The following ATP9B variants were observed in gnomAD, a reference collection of about 807,000 sequenced individuals.
ATP9B encodes the protein probable phospholipid-transporting ATPase IIB.
A neutral mutation model predicts 146.1 loss-of-function variants in ATP9B; 110 were observed. The ratio of observed to expected loss-of-function variants is 0.75; its 90% confidence interval spans 0.65 to 0.88. The LOEUF is 0.88. Ranked by LOEUF, ATP9B falls within the 40% of genes least tolerant of loss-of-function variation. The pLI is 0.00. For missense variants in ATP9B, 1,499 were observed against 1,496.4 expected, an observed-to-expected ratio of 1.00 and a Z score of -0.03; for synonymous variants, 604 against 569.7, an observed-to-expected ratio of 1.06 and a Z score of -0.86.
At chr18:79,246,826 C>A (rs538582460) in intron 11 of ATP9B, among the ~76,000 whole-genome samples, 5 of 152,298 alleles carry the variant, frequency 3.3e-5, no homozygotes, top group African/African-American at 9.6e-5. Flanking sequence ...CAGCGGTGAT[C>A]GGCAGTGTAG....
chr18:79,320,461 C>T (rs909796941), intron 15 of ATP9B, among the ~76,000 whole-genome samples: 2 of 152,206 alleles, frequency 1.3e-5, no homozygotes, highest in South Asian at 4.1e-4. Flanking sequence ...ACTCCACACA[C>T]ACCAGGGGCA....
intron 12 of ATP9B, among the ~76,000 whole-genome samples, chr18:79,257,097 T>C (rs1599343577): frequency 6.6e-6 from 1 of 152,084 alleles, no homozygotes; most frequent in East Asian, 1.9e-4. Flanking sequence ...GTCAGGAGTT[T>C]GGGACTAGCC....
At chr18:79,328,870 A>G (rs2096775278) in intron 15 of ATP9B, among the ~76,000 whole-genome samples, 1 of 152,234 alleles carries the variant, frequency 6.6e-6, no homozygotes, top group African/African-American at 2.4e-5. Flanking sequence ...GGGAGCAATT[A>G]ACACAAATTG....
rs1600419097 is a variant in ATP9B, at chr18:79,365,752, A to C, written c.3012+6290A>C. On this transcript the variant is annotated intron_variant, in intron 26 of 29. Coordinates refer to ENST00000426216, the MANE Select transcript of ATP9B (RefSeq NM_198531.5). ...GACAGCCCATGCGTGATGGAAGGAC[A>C]TCTCCGTGGACAGGGACAGTCCATG... Among the ~76,000 whole-genome samples the C allele has an allele frequency of 2.6e-5, 4 of 151,230 alleles. No homozygotes were observed. In the South Asian group the frequency reaches 8.5e-4, roughly 32 times the overall value.
At chr18:79,269,331 C>G (rs2096234130) in intron 12 of ATP9B, among the ~76,000 whole-genome samples, 1 of 152,160 alleles carries the variant, frequency 6.6e-6, no homozygotes, top group Non-Finnish European at 1.5e-5. Context: ...TCCTCACTGA[C>G]CTGTCCAACA....
At chr18:79,205,503 A>G (rs2095525800) in intron 9 of ATP9B, among the ~76,000 whole-genome samples, 2 of 150,868 alleles carry the variant, frequency 1.3e-5, no homozygotes, top group Non-Finnish European at 3.0e-5. Context: ...CTTAAGGTAT[A>G]TCCTGATAGC....
At chr18:79,080,454 A>G (rs2073126180) in intron 1 of ATP9B, among the ~76,000 whole-genome samples, 1 of 152,198 alleles carries the variant, frequency 6.6e-6, no homozygotes, top group Non-Finnish European at 1.5e-5. Context: ...ATTGGTGTAT[A>G]GGAATGCCTG....
intron 8 of ATP9B, 111 bp from the exon 9 acceptor site, chr18:79,193,072 G>T (rs2095383744): frequency 1.3e-6 from 1 of 775,058 alleles, no homozygotes; most frequent in East Asian, 2.9e-5. Flanking sequence ...GAAAATCAAT[G>T]ATTGCTTTTG....
intron 8 of ATP9B, among the ~76,000 whole-genome samples, chr18:79,181,392 C>A (rs577537955): frequency 1.1e-4 from 16 of 152,120 alleles, no homozygotes; most frequent in Non-Finnish European, 2.2e-4. Flanking sequence ...TATCCAGTTT[C>A]AAGATTTTCA....
At chr18:79,154,234 T>TA (rs2094737914) in intron 6 of ATP9B, among the ~76,000 whole-genome samples, 1 of 152,086 alleles carries the variant, frequency 6.6e-6, no homozygotes, top group Non-Finnish European at 1.5e-5. Context: ...GTGCTGGAAT[T>TA]ACAGGCGTGA....
intron 25 of ATP9B, chr18:79,353,742 G>C (rs1285481227): frequency 6.6e-6 from 1 of 152,226 alleles, no homozygotes; most frequent in Non-Finnish European, 1.5e-5. Flanking sequence ...CATGACACTT[G>C]TCAAAATTCA....
chr18:79,090,880 C>A lies in ATP9B; in HGVS notation c.120-5596C>A, dbSNP rs2074265406. 2.0e-5 allele frequency among the ~76,000 whole-genome samples: 3 copies of A among 151,952 alleles called. No homozygotes were observed. In the South Asian group the frequency reaches 6.2e-4, roughly 31 times the overall value. On this transcript the variant is annotated intron_variant, in intron 1 of 29. Transcript: ENST00000426216. ...CCAGACCATTGTCCTGGAGATTTCC[C>A]CCAATATTTTCTTGTAATAGTTTCA...
chr18:79,200,008 A>C (rs1046205927), intron 9 of ATP9B, among the ~76,000 whole-genome samples: 1 of 152,202 alleles, frequency 6.6e-6, no homozygotes, highest in Non-Finnish European at 1.5e-5. Context: ...GTACACTCTC[A>C]AACAGTGATA....
intron 1 of ATP9B, among the ~76,000 whole-genome samples, chr18:79,083,999 C>T (rs1229902097): frequency 1.3e-5 from 2 of 151,842 alleles, no homozygotes; most frequent in African/African-American, 4.8e-5. Context: ...GCTGGCACTA[C>T]AGGCACGTGC....
At chr18:79,284,346 TG>T (rs1255416033) in intron 13 of ATP9B, among the ~76,000 whole-genome samples, 1 of 152,198 alleles carries the variant, frequency 6.6e-6, no homozygotes, top group African/African-American at 2.4e-5. Context: ...ATTAACATTT[TG>T]GGGGTGTTTG....
At chr18:79,133,508 A>AACAC (rs370697424) in intron 5 of ATP9B, among the ~76,000 whole-genome samples, 9,885 of 147,826 alleles carry the variant, frequency 0.067, 1,069 homozygotes, top group African/African-American at 0.23. Flanking sequence ...AGTGGTTATA[A>AACAC]ACACACACAC....
intron 8 of ATP9B, among the ~76,000 whole-genome samples, chr18:79,179,327 AT>A (rs531402606): frequency 1.3e-5 from 2 of 151,528 alleles, no homozygotes; most frequent in Admixed American, 6.6e-5. Context: ...ATAGTTTATA[AT>A]TTTTTTTGTT....
intron 2 of ATP9B, among the ~76,000 whole-genome samples, chr18:79,109,588 TG>T (rs1238830617): frequency 2.7e-5 from 4 of 149,786 alleles, no homozygotes; most frequent in Non-Finnish European, 5.9e-5. Context: ...TTTTTTAAGA[TG>T]GAGACTCACT....
At chr18:79,216,496 T>C (rs1212569665) in intron 11 of ATP9B, among the ~76,000 whole-genome samples, 1 of 152,210 alleles carries the variant, frequency 6.6e-6, no homozygotes, top group Non-Finnish European at 1.5e-5. Flanking sequence ...GCTCAGTAAA[T>C]GTTAGCTGTA....
Sources: allele counts gnomAD v4.1 joint callset (sites outside exome capture counted in the v4.1 genomes callset), GRCh38; gene constraint gnomAD v4.1.1; transcripts MANE v1.5; gene names NCBI Gene and HGNC (gene_info 2026-07-23, HGNC 2026-07-21).